SPINK5: variants seen among roughly 807,000 people sequenced by gnomAD.
SPINK5 encodes serine peptidase inhibitor Kazal type 5.
Under a neutral mutation model 151.8 loss-of-function variants are expected in SPINK5, and 125 were observed. The ratio of observed to expected loss-of-function variants is 0.82; its 90% CI spans 0.71 to 0.96. SPINK5 has a LOEUF of 0.96. Among genes scored for constraint, SPINK5 ranks in the 40% least tolerant of loss-of-function variants. The probability of loss-of-function intolerance (pLI) is 0.00; values close to 1 mark genes in which losing one functional copy is unlikely to be tolerated. For synonymous variants in SPINK5, 374 were observed against 395.3 expected (o/e 0.95, Z 0.64); for missense variants, 1,194 against 1,291.9 (o/e 0.92, Z 1.16).
In SPINK5 at chr5:148,137,355, T is replaced by TCG; in HGVS notation, c.*364_*365insCG. On this transcript the variant is annotated 3_prime_UTR_variant, in exon 33 of 33. Transcript: ENST00000256084. The stretch of plus-strand genomic sequence containing the variant: ...GCTTTTAAAGAAACTGAATAAACTC[T>TCG]ACCCTTTTGTCTTTTTGTGTTGCTA... 1 of 265,800 alleles carries TCG rather than the reference T, an allele frequency of 3.8e-6. No homozygotes were observed. The highest frequency in any genetic ancestry group is 8.5e-5 in the East Asian group (1 of 11,754). 16.5% of individuals were successfully genotyped at this position (265,800 alleles called of 1,614,324 possible).
rs142445580 is a variant in SPINK5 at position 148,091,370 on chromosome 5, T to G, written c.666+142T>G. On this transcript the variant is annotated intron_variant, in intron 8 of 32. Coordinates refer to ENST00000256084, the MANE Select transcript of SPINK5 (RefSeq NM_006846.4). ...TTCTTAATATCAAAATTCCCCAAAT[T>G]GACTATTCCTAGAATATTAATCATT... The G allele has an allele frequency of 3.6e-5, 26 of 724,972 alleles. No individual in the cohort carries two copies. The Admixed American group carries it at 6.4e-4, about 18-fold the overall frequency. The allele number at this position is 724,972 out of a possible 1,614,324, so 44.9% of individuals were successfully genotyped here. A position where few individuals can be genotyped will look rare whatever the true frequency, so the allele number is the denominator to read the frequency against.
Position 148,125,713 on chromosome 5 carries a change from C to T in SPINK5, c.2740-10C>T, listed in dbSNP as rs533297392. ...AAAGCCATGTTCACTTTCCCTTTCT[C>T]ATTTTCTAGGATGAGTGCAGTGAAT... On this transcript the variant is annotated splice_polypyrimidine_tract_variant and intron_variant, in intron 28 of 32. Transcript: ENST00000256084. 6.2e-7 allele frequency: 1 copy of T among 1,614,216 alleles called. No homozygotes were observed. The highest frequency in any genetic ancestry group is 8.5e-7 in the Non-Finnish European group (1 of 1,180,036).
chr5:148,127,072 G>C lies in SPINK5; in HGVS notation c.2957G>C (p.Ser986Thr), dbSNP rs752854042. The C allele has an allele frequency of 6.2e-7, 1 of 1,612,514 alleles. No homozygotes were observed. Among genetic ancestry groups the C allele is most frequent in the Non-Finnish European group, 8.5e-7 (1 of 1,179,030 alleles). Residue 986 changes from serine to threonine, a missense_variant, in exon 30 of 33, where the codon AGT becomes ACT. Physicochemically the swap from Ser to Thr is moderately conservative, Grantham distance 58 (BLOSUM62 1). Coordinates refer to ENST00000256084, the MANE Select transcript of SPINK5 (RefSeq NM_006846.4). The stretch of plus-strand genomic sequence containing the variant: ...GAGGAAGACAGCCCAGACTCTTTCA[G>C]TTCTCTGGTAAGGAGGACTATTTCT... ...SQEEDSPDSF[S>T]SLDSEMCKDY...
chr5:148,096,401 T>C (rs1046363947), intron 10 of SPINK5, among the ~76,000 whole-genome samples: 1 of 152,024 alleles, frequency 6.6e-6, no homozygotes, highest in African/African-American at 2.4e-5. Flanking sequence ...CATTGACGTA[T>C]TGGCATTGTA....
chr5:148,064,810 G>A (rs954109415), intron 1 of SPINK5, among the ~76,000 whole-genome samples: 15 of 152,126 alleles, frequency 9.9e-5, no homozygotes, highest in African/African-American at 3.4e-4. Flanking sequence ...CTATGTTAAT[G>A]AGAGAGTATA....
chr5:148,097,844 A>G lies in SPINK5; in HGVS notation c.883-23A>G, dbSNP rs371920215. The stretch of plus-strand genomic sequence containing the variant: ...ACATAGAAAACAGAACTATATCTCA[A>G]CTTTTTCTTATTCATTATTCAGAAA... On this transcript the variant is annotated intron_variant, in intron 10 of 32. Transcript: ENST00000256084. The G allele has an allele frequency of 1.3e-4, 213 of 1,592,898 alleles. 5 individuals are homozygous for G. In the South Asian group the frequency reaches 2.1e-3, roughly 16 times the overall value.
rs567331901 is a variant in SPINK5, at chr5:148,101,857, G to T, written c.1379G>T (p.Gly460Val). The T allele has an allele frequency of 1.3e-4, 207 of 1,613,796 alleles. 2 individuals carry two copies. In the South Asian group the frequency reaches 2.1e-3, roughly 17 times the overall value. The part of the protein sequence containing the change: ...FCTRENDPIQ[G>V]PDGKMHGNTC... ...ACCAGAGAGAATGACCCCATCCAGGGCCCAGATGGAAAAATGCATGGCAAC... is the reference window on the plus strand; with the variant it reads ...ACCAGAGAGAATGACCCCATCCAGGTCCCAGATGGAAAAATGCATGGCAAC... The change falls in exon 15 of 33, where the codon GGC becomes GTC. Residue 460 changes from glycine (G) to valine (V), a missense_variant. Coordinates refer to ENST00000256084, the MANE Select transcript of SPINK5 (RefSeq NM_006846.4).
At chr5:148,125,936 T>G (rs1754420536) in intron 29 of SPINK5, 86 bp downstream of exon 29, 11 of 1,583,110 alleles carry the variant, frequency 6.9e-6, no homozygotes, top group Non-Finnish European at 9.5e-6. Flanking sequence ...TGTATATTTA[T>G]GAACCCCATG....
At position 148,091,218 on chromosome 5, in the gene SPINK5, A is replaced by G; in HGVS notation, c.656A>G (p.Asn219Ser). The G allele has an allele frequency of 6.2e-7, 1 of 1,611,358 alleles. No homozygotes were observed. Among genetic ancestry groups the G allele is most frequent in the Non-Finnish European group, 8.5e-7 (1 of 1,178,474 alleles). ...KREGETRIRR[N>S]AEKDFCKEYE... ...GAGGGTGAAACTAGAATTCGACGAA[A>G]TGCTGAAAAGGTAAAATGACTCACC... Residue 219 changes from asparagine to serine, a missense_variant, in exon 8 of 33, where the codon AAT becomes AGT. Asn to Ser is a conservative substitution (Grantham distance 46, BLOSUM62 1). Transcript: ENST00000256084.
At chr5:148,084,687 C>A (rs1282174735) in intron 4 of SPINK5, among the ~76,000 whole-genome samples, 1 of 151,852 alleles carries the variant, frequency 6.6e-6, no homozygotes, top group Admixed American at 6.6e-5. Context: ...AAACCAAGAG[C>A]CATCCTGCTT....
chr5:148,122,026 CAAAT>C (rs993812499), intron 26 of SPINK5, among the ~76,000 whole-genome samples: 4 of 145,138 alleles, frequency 2.8e-5, no homozygotes, highest in African/African-American at 1.0e-4. Context: ...GTGTGTGTGT[CAAAT>C]AGAGAACTAC....
intron 13 of SPINK5, 88 bp downstream of exon 13, chr5:148,100,669 A>G: frequency 1.4e-6 from 2 of 1,460,314 alleles, no homozygotes; most frequent in South Asian, 2.3e-5. Context: ...GGCCACTTCA[A>G]CATAAAAATG....
chr5:148,076,357 A>G (rs73269174), intron 4 of SPINK5, among the ~76,000 whole-genome samples: 5,026 of 151,708 alleles, frequency 0.033, 298 homozygotes, highest in African/African-American at 0.11. Flanking sequence ...TGAGAGAGGA[A>G]GATTTCAAAG....
rs770224972 is a variant in SPINK5, at chr5:148,094,373, A to T, written c.686A>T (p.Glu229Val). 3 of 1,612,580 alleles carry T rather than the reference A, an allele frequency of 1.9e-6. No individual in the cohort carries two copies. The South Asian group carries it at 3.3e-5, about 18-fold the overall frequency. ...TCAAAGGATTTTTGCAAGGAATATG[A>T]AAAACAAGTGAGAAATGGAAGGCTT... is the stretch of plus-strand genomic sequence containing the variant. ...NAEKDFCKEYEKQVRNGRLFC... is the reference protein window; with the variant it reads ...NAEKDFCKEYVKQVRNGRLFC... Residue 229 changes from glutamate to valine, a missense_variant, in exon 9 of 33, where the codon GAA (glutamate) becomes GTA (valine). Coordinates refer to ENST00000256084, the MANE Select transcript of SPINK5 (RefSeq NM_006846.4).
intron 26 of SPINK5, among the ~76,000 whole-genome samples, chr5:148,122,783 G>C (rs903388416): frequency 2.0e-5 from 3 of 151,678 alleles, no homozygotes; most frequent in Non-Finnish European, 4.4e-5. Context: ...GTAGAATGGG[G>C]ATGATGCGTA....
intron 26 of SPINK5, among the ~76,000 whole-genome samples, chr5:148,120,897 C>T (rs1477316571): frequency 3.9e-5 from 6 of 152,008 alleles, no homozygotes; most frequent in Non-Finnish European, 7.4e-5. Context: ...ATAATCCCAG[C>T]ACTTTGAGAA....
rs1261237462 is a variant in SPINK5 at position 148,095,738 on chromosome 5, AT to A, written c.795-75del. 2.4e-6 allele frequency: 3 copies of A among 1,244,462 alleles called. No individual in the cohort carries two copies. The African/African-American group carries it at 4.4e-5, about 18-fold the overall frequency. The allele number at this position is 1,244,462 out of a possible 1,614,324, so 77.1% of individuals were successfully genotyped here. On this transcript the variant is annotated intron_variant, in intron 9 of 32. Transcript: ENST00000256084. ...TACTAAAACTCAGGACAACTTAGAT[AT>A]TTTTCCATCTATACCTAATGACTGT...
intron 4 of SPINK5, among the ~76,000 whole-genome samples, chr5:148,075,744 C>T (rs1235016502): frequency 3.3e-5 from 5 of 151,776 alleles, no homozygotes; most frequent in Non-Finnish European, 5.9e-5. Flanking sequence ...AGGAATAAAA[C>T]GAGAGGTCTG....
intron 30 of SPINK5, among the ~76,000 whole-genome samples, chr5:148,129,224 T>G (rs1051759616): frequency 6.6e-6 from 1 of 152,214 alleles, no homozygotes; most frequent in Admixed American, 6.5e-5. Context: ...TAAAGGGTTT[T>G]GTAGACAATT....
Sources: gnomAD v4.1 joint callset for allele counts (sites outside exome capture counted in the v4.1 genomes callset) on GRCh38, gnomAD v4.1.1 for gene constraint, MANE v1.5 for transcripts, NCBI Gene and HGNC (gene_info 2026-07-23, HGNC 2026-07-21) for gene names.